ZNF628: variants seen among roughly 807,000 people sequenced by gnomAD.
ZNF628 encodes zinc finger protein 628.
In ZNF628, 3 loss-of-function variants were observed where a neutral mutation model predicts 2.5. That is an observed-to-expected ratio of 1.19 (90% CI 0.54 to 3.07). ZNF628 has a LOEUF of 3.07. ZNF628 is among the 30% of genes most tolerant of loss of function. ZNF628 has a pLI of 0.03. For missense variants in ZNF628, 1,610 were observed against 1,517.1 expected (o/e 1.06, Z -1.02); for synonymous variants, 861 against 717.1 (o/e 1.20, Z -3.21).
In ZNF628 at chr19:55,481,475, C is replaced by G. The variant is rs1421038882; in HGVS notation, c.282C>G (p.Cys94Trp). Residue 94 changes from cysteine to tryptophan, a missense_variant, in exon 3 of 3, where the codon TGC (cysteine) becomes TGG (tryptophan). Transcript: ENST00000598519. ...RGHTGERPYQCPDCPKAFKRS... is the reference protein window; with the variant it reads ...RGHTGERPYQWPDCPKAFKRS... ...ACACGGGCGAGCGGCCCTACCAGTG[C>G]CCCGACTGTCCCAAGGCCTTCAAGC... The G allele has an allele frequency of 6.2e-7, 1 of 1,611,976 alleles. No individual in the cohort carries two copies. Among genetic ancestry groups the G allele is most frequent in the Admixed American group, 1.7e-5 (1 of 59,898 alleles).
rs1248446929 is a variant in ZNF628 at position 55,484,005 on chromosome 19, G to T, written c.2812G>T (p.Val938Leu). The T allele has an allele frequency of 6.3e-7, 1 of 1,589,426 alleles. No homozygotes were observed. Among genetic ancestry groups the T allele is most frequent in the Non-Finnish European group, 8.6e-7 (1 of 1,166,974 alleles). Reference sequence around the variant, plus strand: ...GGACGAGGGCTTGCAGAGCGTGCTGGTGCTGAGCGGGGCCGATGGCGAACA... The same window carrying T: ...GGACGAGGGCTTGCAGAGCGTGCTGTTGCTGAGCGGGGCCGATGGCGAACA... ...QTDEGLQSVL[V>L]LSGADGEQTR... Residue 938 changes from valine (V) to leucine (L), a missense_variant, in exon 3 of 3, where the codon GTG becomes TTG. Val to Leu is a conservative substitution (Grantham distance 32). Transcript: ENST00000598519.
chr19:55,480,664 GC>G (rs1986675840), intron 2 of ZNF628, among the ~76,000 whole-genome samples: 1 of 152,072 alleles, frequency 6.6e-6, no homozygotes. Context: ...CAGGTGATCT[GC>G]CTGCCTCAGC....
chr19:55,484,251 G>T lies in ZNF628; in HGVS notation c.3058G>T (p.Ala1020Ser), dbSNP rs756861608. 13 of 1,548,464 alleles carry T rather than the reference G, an allele frequency of 8.4e-6. No homozygotes were observed. Among genetic ancestry groups the T allele is most frequent in the Admixed American group, 2.0e-5 (1 of 50,638 alleles). The change falls in exon 3 of 3, where the codon GCC (alanine) becomes TCC (serine). Residue 1020 changes from alanine to serine, a missense_variant. By Grantham distance (99) the Ala-to-Ser change is moderately conservative. Transcript: ENST00000598519. ...SGPAGLPGAP[A>S]SQMVQVVPAG... ...CCCCGCGGGGCTCCCCGGGGCTCCA[G>T]CCTCCCAGATGGTGCAAGTGGTCCC...
At chr19:55,477,991 G>A (rs1201682095) in intron 1 of ZNF628, among the ~76,000 whole-genome samples, 1 of 152,202 alleles carries the variant, frequency 6.6e-6, no homozygotes, top group African/African-American at 2.4e-5. Context: ...TATAGTAGCG[G>A]TTCTCATCTG....
intron 2 of ZNF628, among the ~76,000 whole-genome samples, chr19:55,480,801 G>A (rs1185683564): frequency 6.6e-6 from 1 of 152,204 alleles, no homozygotes; most frequent in African/African-American, 2.4e-5. Flanking sequence ...GGAGGATAAG[G>A]TCTTAGAGGG....
At chr19:55,477,363 T>G (rs796961037) in intron 1 of ZNF628, among the ~76,000 whole-genome samples, 2 of 151,918 alleles carry the variant, frequency 1.3e-5, no homozygotes, top group African/African-American at 4.8e-5. Context: ...GTTTTTTTTT[T>G]TTTTTTTTTT....
Position 55,483,726 on chromosome 19 carries a change from C to T in ZNF628, c.2533C>T (p.Leu845Phe). The T allele has an allele frequency of 1.2e-6, 2 of 1,612,764 alleles. No homozygotes were observed. The highest frequency in any genetic ancestry group is 8.5e-7 in the Non-Finnish European group (1 of 1,179,194). ...QPAQEVTTVQ[L>F]QPAQEVTTVQ... ...AGCGCAGGAGGTGACCACAGTCCAGCTCCAGCCAGCACAGGAAGTAACCAC... is the reference window on the plus strand; with the variant it reads ...AGCGCAGGAGGTGACCACAGTCCAGTTCCAGCCAGCACAGGAAGTAACCAC... The change falls in exon 3 of 3, where the codon CTC becomes TTC. Residue 845 changes from leucine to phenylalanine, a missense_variant. Coordinates refer to ENST00000598519, the MANE Select transcript of ZNF628 (RefSeq NM_033113.3).
At chr19:55,478,928 C>T (rs1396329063) in intron 1 of ZNF628, among the ~76,000 whole-genome samples, 1 of 152,074 alleles carries the variant, frequency 6.6e-6, no homozygotes, top group African/African-American at 2.4e-5. Context: ...AGATTTTGGG[C>T]ATGTTAAGTT....
Position 55,484,129 on chromosome 19 carries a change from G to A in ZNF628, c.2936G>A (p.Ser979Asn). Reference sequence around the variant, plus strand: ...GGACAGAAACTCCTCATCATCCGCAGCGCCCCAGCCACTGAGCTGCTGGAC... The same window carrying A: ...GGACAGAAACTCCTCATCATCCGCAACGCCCCAGCCACTGAGCTGCTGGAC... Reference protein sequence around the residue: ...PPGQKLLIIRSAPATELLDSS... With the variant: ...PPGQKLLIIRNAPATELLDSS... The change falls in exon 3 of 3, where the codon AGC becomes AAC. Residue 979 changes from serine to asparagine, a missense_variant. Physicochemically the swap from Ser to Asn is conservative, Grantham distance 46. This residue lies in a region of ZNF628 where 712 missense variants were observed against 603.6 expected (regional missense o/e 1.18). Coordinates refer to ENST00000598519, the MANE Select transcript of ZNF628 (RefSeq NM_033113.3). The A allele has an allele frequency of 6.3e-7, 1 of 1,587,774 alleles. No homozygotes were observed. The highest frequency in any genetic ancestry group is 1.2e-5 in the South Asian group (1 of 86,864).
Position 55,482,657 on chromosome 19 carries a change from C to T in ZNF628, c.1464C>T (p.Gly488=). The change falls in exon 3 of 3, where the codon GGC becomes GGT. Residue 488 remains glycine, a synonymous_variant. Coordinates refer to ENST00000598519, the MANE Select transcript of ZNF628 (RefSeq NM_033113.3). ...GERPYQCGEC[G]KAFKRSSLLA... is the part of the protein sequence containing the mutation. Reference sequence around the variant, plus strand: ...GGCCCTACCAGTGTGGCGAGTGCGGCAAGGCCTTCAAGCGCTCCTCCCTGC... The same window carrying T: ...GGCCCTACCAGTGTGGCGAGTGCGGTAAGGCCTTCAAGCGCTCCTCCCTGC... 3 of 1,611,986 alleles carry T rather than the reference C, an allele frequency of 1.9e-6. No individual in the cohort carries two copies. The highest frequency in any genetic ancestry group is 2.5e-6 in the Non-Finnish European group (3 of 1,179,382).
Position 55,483,038 on chromosome 19 carries a change from G to A in ZNF628, c.1845G>A (p.Thr615=), listed in dbSNP as rs746216385. The A allele has an allele frequency of 4.3e-6, 7 of 1,611,500 alleles. No individual in the cohort carries two copies. The Admixed American group carries it at 6.7e-5, about 15-fold the overall frequency. ...HSSNLLLHQR[T]HSAERPFTCP... ...CCAACCTGCTGCTGCACCAGCGCACGCACTCGGCGGAGCGCCCCTTCACCT... is the reference window on the plus strand; with the variant it reads ...CCAACCTGCTGCTGCACCAGCGCACACACTCGGCGGAGCGCCCCTTCACCT... The change falls in exon 3 of 3, where the codon ACG becomes ACA. Residue 615 remains threonine, a synonymous_variant. Coordinates refer to ENST00000598519, the MANE Select transcript of ZNF628 (RefSeq NM_033113.3).
Position 55,482,929 on chromosome 19 carries a change from C to T in ZNF628, c.1736C>T (p.Ser579Phe). 6.2e-7 allele frequency: 1 copy of T among 1,609,722 alleles called. No homozygotes were observed. Among genetic ancestry groups the T allele is most frequent in the East Asian group, 2.2e-5 (1 of 44,836 alleles). ...TGCGGCAAGAGCTTCGCGCAGACCT[C>T]CAACCTGCGGCAGCACCAGCGCGTG... ...GVCGKSFAQT[S>F]NLRQHQRVHT... is the part of the protein sequence containing the mutation. Residue 579 changes from serine (S) to phenylalanine (F), a missense_variant, in exon 3 of 3, where the codon TCC becomes TTC. Around this residue, in one of 5 missense-constraint regions of ZNF628, gnomAD observed 651 missense variants for 575.6 expected, o/e 1.13. Transcript: ENST00000598519.
In ZNF628 at chr19:55,481,251, G is replaced by A; in HGVS notation, c.58G>A (p.Gly20Arg). The A allele has an allele frequency of 3.8e-6, 6 of 1,582,622 alleles. No individual in the cohort carries two copies. Among genetic ancestry groups the A allele is most frequent in the Non-Finnish European group, 5.1e-6 (6 of 1,166,904 alleles). The change falls in exon 3 of 3, where the codon GGG becomes AGG. Residue 20 changes from glycine (G) to arginine (R), a missense_variant. Coordinates refer to ENST00000598519, the MANE Select transcript of ZNF628 (RefSeq NM_033113.3). ...ADMAPASTAE[G>R]AGEKPGPAAP... Reference sequence around the variant, plus strand: ...CATGGCGCCGGCCTCTACTGCGGAGGGGGCCGGGGAGAAGCCAGGCCCTGC... The same window carrying A: ...CATGGCGCCGGCCTCTACTGCGGAGAGGGCCGGGGAGAAGCCAGGCCCTGC...
chr19:55,476,965 C>T (rs112736899), intron 1 of ZNF628, among the ~76,000 whole-genome samples, 158 bp downstream of exon 1: 1 of 152,200 alleles, frequency 6.6e-6, no homozygotes, highest in Non-Finnish European at 1.5e-5. Flanking sequence ...GGTCCGCCCT[C>T]TTAAAGGGCA....
Position 55,483,164 on chromosome 19 carries a change from C to T in ZNF628, c.1971C>T (p.Ala657=), listed in dbSNP as rs776733178. Residue 657 remains alanine, a synonymous_variant, in exon 3 of 3, where the codon GCC becomes GCT. Coordinates refer to ENST00000598519, the MANE Select transcript of ZNF628 (RefSeq NM_033113.3). Reference sequence around the variant, plus strand: ...CGCCTCCCAGCACCACAGCCCCTGCCGCCGGCCCCCAGCCCCCTGCTCCAC... The same window carrying T: ...CGCCTCCCAGCACCACAGCCCCTGCTGCCGGCCCCCAGCCCCCTGCTCCAC... The part of the protein sequence containing the change: ...ANTPPSTTAP[A]AGPQPPAPLA... The T allele has an allele frequency of 2.6e-6, 4 of 1,553,968 alleles. No individual in the cohort carries two copies. The highest frequency in any genetic ancestry group is 2.7e-5 in the African/African-American group (2 of 73,716).
rs1217015436 is a variant in ZNF628, at chr19:55,483,699, C to T, written c.2506C>T (p.Pro836Ser). 1.2e-6 allele frequency: 2 copies of T among 1,613,460 alleles called. No individual in the cohort carries two copies. Among genetic ancestry groups the T allele is most frequent in the Non-Finnish European group, 1.7e-6 (2 of 1,179,830 alleles). ...APEVTTVQLQPAQEVTTVQLQ... is the reference protein window; with the variant it reads ...APEVTTVQLQSAQEVTTVQLQ... The stretch of plus-strand genomic sequence containing the variant: ...AGAAGTAACCACGGTCCAGCTCCAG[C>T]CAGCGCAGGAGGTGACCACAGTCCA... The change falls in exon 3 of 3, where the codon CCA becomes TCA. Residue 836 changes from proline to serine, a missense_variant. This residue lies in a region of ZNF628 where 712 missense variants were observed against 603.6 expected (regional missense o/e 1.18). Coordinates refer to ENST00000598519, the MANE Select transcript of ZNF628 (RefSeq NM_033113.3).
Position 55,482,879 on chromosome 19 carries a change from C to G in ZNF628, c.1686C>G (p.Gly562=). 1 of 1,603,564 alleles carries G rather than the reference C, an allele frequency of 6.2e-7. No individual in the cohort carries two copies. The highest frequency in any genetic ancestry group is 8.5e-7 in the Non-Finnish European group (1 of 1,174,152). The change falls in exon 3 of 3, where the codon GGC becomes GGG. Residue 562 remains glycine, a synonymous_variant. Transcript: ENST00000598519. ...CLRRHRHVHT[G]ERPHACGVCG... Reference sequence around the variant, plus strand: ...GTCGCCACCGCCACGTGCACACTGGCGAGAGGCCCCACGCCTGCGGTGTCT... The same window carrying G: ...GTCGCCACCGCCACGTGCACACTGGGGAGAGGCCCCACGCCTGCGGTGTCT...
chr19:55,478,850 C>T (rs1372605202), intron 1 of ZNF628, among the ~76,000 whole-genome samples: 2 of 152,170 alleles, frequency 1.3e-5, no homozygotes, highest in Admixed American at 1.3e-4. Context: ...AAGACGGCTG[C>T]CATTTTCAGA....
chr19:55,481,910 G>C lies in ZNF628; in HGVS notation c.717G>C (p.Pro239=), dbSNP rs1182488383. ...CCCCGGGTACCGCCTCCGCGGCCCC[G>C]CCCCCCCAGTCCCGGGAGCCCGGCA... ...APAPGTASAA[P]PPQSREPGKV... Residue 239 remains proline (P), a synonymous_variant, in exon 3 of 3, where the codon CCG becomes CCC. Coordinates refer to ENST00000598519, the MANE Select transcript of ZNF628 (RefSeq NM_033113.3). 10 of 1,365,824 alleles carry C rather than the reference G, an allele frequency of 7.3e-6. No individual in the cohort carries two copies. The highest frequency in any genetic ancestry group is 9.6e-6 in the Non-Finnish European group (10 of 1,041,092). 84.6% of individuals were successfully genotyped at this position (1,365,824 alleles called of 1,614,324 possible). A position where few individuals can be genotyped will look rare whatever the true frequency, so the allele number is the denominator to read the frequency against.
Sources: gnomAD v4.1 joint callset for allele counts (sites outside exome capture counted in the v4.1 genomes callset) on GRCh38, gnomAD v4.1.1 for gene constraint, gnomAD v4.1.1 regional missense constraint, MANE v1.5 for transcripts, NCBI Gene and HGNC (gene_info 2026-07-23, HGNC 2026-07-21) for gene names.